Variants in SIAH3 observed in about 807,000 individuals in gnomAD.
SIAH3 encodes the protein seven in absentia homolog 3.
SIAH3 carries 9 observed loss-of-function variants against 12.6 expected under a neutral mutation model. The observed-to-expected ratio is 0.72, with a 90% confidence interval of 0.43 to 1.25. The LOEUF is 1.25. SIAH3 is among the 50% of genes most tolerant of loss of function. The pLI is 0.00. For synonymous variants in SIAH3, 154 were observed against 151.1 expected, an observed-to-expected ratio of 1.02 and a Z score of -0.14; for missense variants, 390 against 365.4, an observed-to-expected ratio of 1.07 and a Z score of -0.55.
rs949379742 is a variant in SIAH3 at position 45,850,002 on chromosome 13, G to C, written c.135+1493C>G. 2.2e-4 allele frequency among the ~76,000 whole-genome samples: 34 copies of C among 152,174 alleles called. 1 individual carries two copies. The highest frequency in any genetic ancestry group is 5.9e-5 in the Non-Finnish European group (4 of 68,034). Reference sequence around the variant, plus strand: ...CATACTACATACTTGCTTTGCCAAGGATGACTGGTAGTAAATTCTCATTTA... The same window carrying C: ...CATACTACATACTTGCTTTGCCAAGCATGACTGGTAGTAAATTCTCATTTA... On this transcript the variant is annotated intron_variant, in intron 1 of 1. Coordinates refer to ENST00000400405, the MANE Select transcript of SIAH3 (RefSeq NM_198849.3).
intron 1 of SIAH3, among the ~76,000 whole-genome samples, chr13:45,788,907 G>A (rs1950536277): frequency 1.3e-5 from 2 of 152,214 alleles, no homozygotes; most frequent in African/African-American, 4.8e-5. Flanking sequence ...GGTGAAGTGG[G>A]GAAGGCAGCA....
In SIAH3 at chr13:45,831,314, GGC is replaced by G. The variant is rs201536949; in HGVS notation, c.135+20179_135+20180del. On this transcript the variant is annotated intron_variant, in intron 1 of 1. Coordinates refer to ENST00000400405, the MANE Select transcript of SIAH3 (RefSeq NM_198849.3). ...TCAGTGACAAGGGGTTGCCAGGAGA[GGC>G]CAGTGTATGCACCAAAAGGAGCACA... Among the ~76,000 whole-genome samples, 628 of 152,256 alleles carry G rather than the reference GGC, an allele frequency of 4.1e-3. 2 individuals carry two copies. Among genetic ancestry groups the G allele is most frequent in the African/African-American group, 0.015 (605 of 41,530 alleles).
In SIAH3 at chr13:45,784,396, C is replaced by CTTTTTTTTTTTTTTTT. The variant is rs1555256292; in HGVS notation, c.136-340_136-339insAAAAAAAAAAAAAAAA. ...CATCAATCACAAAGAACAAAGACAG[C>CTTTTTTTTTTTTTTTT]TGTTTTTTTTTTTTTTTTTTTTTTT... On this transcript the variant is annotated intron_variant, in intron 1 of 1. Coordinates refer to ENST00000400405, the MANE Select transcript of SIAH3 (RefSeq NM_198849.3). Among the ~76,000 whole-genome samples the CTTTTTTTTTTTTTTTT allele has an allele frequency of 2.0e-5, 2 of 102,014 alleles. 1 individual carries two copies. The allele number at this position is 102,014 out of a possible 152,430, so 66.9% of individuals were successfully genotyped here.
rs147061644 is a variant in SIAH3 at position 45,788,879 on chromosome 13, C to T, written c.136-4822G>A. Reference sequence around the variant, plus strand: ...GCCCTCATTTGTGAATATTAATTAACTGAAGTTTTTAGTCCTAGGTGAAGT... The same window carrying T: ...GCCCTCATTTGTGAATATTAATTAATTGAAGTTTTTAGTCCTAGGTGAAGT... On this transcript the variant is annotated intron_variant, in intron 1 of 1. Coordinates refer to ENST00000400405, the MANE Select transcript of SIAH3 (RefSeq NM_198849.3). 2.3e-4 allele frequency among the ~76,000 whole-genome samples: 35 copies of T among 152,320 alleles called. 1 individual carries two copies. The East Asian group carries it at 5.8e-3, about 25-fold the overall frequency.
intron 1 of SIAH3, among the ~76,000 whole-genome samples, chr13:45,812,269 T>C (rs1303148350): frequency 6.6e-6 from 1 of 152,098 alleles, no homozygotes; most frequent in Non-Finnish European, 1.5e-5. Context: ...TGTTTCATCC[T>C]CACCTAAACC....
At chr13:45,784,078 G>A (rs377460604) in intron 1 of SIAH3, 21 bp from the exon 2 acceptor site, 291 of 1,554,308 alleles carry the variant, frequency 1.9e-4, no homozygotes, top group Non-Finnish European at 2.4e-4. Flanking sequence ...AGAGAAGAAC[G>A]TCAGTGCGGG....
intron 1 of SIAH3, among the ~76,000 whole-genome samples, chr13:45,797,723 A>C (rs1950568018): frequency 6.6e-6 from 1 of 152,210 alleles, no homozygotes; most frequent in East Asian, 1.9e-4. Flanking sequence ...CTGCTGGGTC[A>C]CAGACCTCAC....
In SIAH3 at chr13:45,820,109, C is replaced by T. The variant is rs551975995; in HGVS notation, c.135+31386G>A. Among the ~76,000 whole-genome samples the T allele has an allele frequency of 6.8e-4, 104 of 152,310 alleles. 1 individual carries two copies. Among genetic ancestry groups the T allele is most frequent in the Non-Finnish European group, 1.3e-3 (86 of 68,036 alleles). On this transcript the variant is annotated intron_variant, in intron 1 of 1. Transcript: ENST00000400405. ...CCCATTCAGGAGGGAGGAATCCGCA[C>T]GACTTATGTGTCTCTTAAAGGCCCC... is the stretch of plus-strand genomic sequence containing the variant.
chr13:45,792,994 AAC>A (rs749040722), intron 1 of SIAH3, among the ~76,000 whole-genome samples: 1 of 152,356 alleles, frequency 6.6e-6, no homozygotes, highest in East Asian at 1.9e-4. Context: ...GGCCTGAGTG[AAC>A]AGTTTAAAGA....
At chr13:45,803,082 G>T (rs538437394) in intron 1 of SIAH3, among the ~76,000 whole-genome samples, 1 of 150,572 alleles carries the variant, frequency 6.6e-6, no homozygotes, top group Non-Finnish European at 1.5e-5. Flanking sequence ...AAAAAAAAAA[G>T]GCAGCCGCAG....
chr13:45,811,999 A>G (rs1950617980), intron 1 of SIAH3, among the ~76,000 whole-genome samples: 1 of 152,192 alleles, frequency 6.6e-6, no homozygotes, highest in Non-Finnish European at 1.5e-5. Context: ...GAACTTTCAG[A>G]GACTCCAGCC....
chr13:45,813,238 A>G (rs535572408), intron 1 of SIAH3, among the ~76,000 whole-genome samples: 3 of 150,540 alleles, frequency 2.0e-5, no homozygotes, highest in East Asian at 1.9e-4. Flanking sequence ...GTGAGCCTAT[A>G]TCAGTACTGA....
In SIAH3 at chr13:45,783,737, C is replaced by A. The variant is rs1276477849; in HGVS notation, c.456G>T (p.Ala152=). The change falls in exon 2 of 2, where the codon GCG becomes GCT. Residue 152 remains alanine (A), a synonymous_variant. Coordinates refer to ENST00000400405, the MANE Select transcript of SIAH3 (RefSeq NM_198849.3). Reference sequence around the variant, plus strand: ...AGTGCATGATGATCCAATCAGCCGGCGCGGGGAGGTGCATGTCCGTGGCCA... The same window carrying A: ...AGTGCATGATGATCCAATCAGCCGGAGCGGGGAGGTGCATGTCCGTGGCCA... ...VFLATDMHLP[A]PADWIIMHSC... The A allele has an allele frequency of 5.0e-6, 8 of 1,614,132 alleles. No homozygotes were observed. The highest frequency in any genetic ancestry group is 6.8e-6 in the Non-Finnish European group (8 of 1,180,010).
chr13:45,843,801 G>A (rs1457042838), intron 1 of SIAH3, among the ~76,000 whole-genome samples: 1 of 152,170 alleles, frequency 6.6e-6, no homozygotes, highest in African/African-American at 2.4e-5. Flanking sequence ...GGGAGTGTGG[G>A]GAGTCAAAGC....
intron 1 of SIAH3, among the ~76,000 whole-genome samples, chr13:45,842,312 A>G (rs560815685): frequency 5.9e-5 from 9 of 152,336 alleles, no homozygotes; most frequent in African/African-American, 2.2e-4. Flanking sequence ...TAATTATAAT[A>G]TGCCAGGTGC....
intron 1 of SIAH3, 149 bp downstream of exon 1, chr13:45,851,346 G>A (rs1440895122): frequency 1.6e-5 from 16 of 1,014,910 alleles, no homozygotes; most frequent in Non-Finnish European, 2.2e-5. Flanking sequence ...AGAGTGAGCC[G>A]AGGCAAACAC....
At chr13:45,837,031 C>T (rs1950720215) in intron 1 of SIAH3, among the ~76,000 whole-genome samples, 2 of 152,154 alleles carry the variant, frequency 1.3e-5, no homozygotes, top group Non-Finnish European at 2.9e-5. Flanking sequence ...CAGCCCCATG[C>T]CTCCCAGTGA....
At chr13:45,808,293 G>C (rs1185060923) in intron 1 of SIAH3, among the ~76,000 whole-genome samples, 1 of 152,156 alleles carries the variant, frequency 6.6e-6, no homozygotes, top group Non-Finnish European at 1.5e-5. Flanking sequence ...AAAAATTACA[G>C]AAATAGTCTT....
At chr13:45,839,405 C>T (rs1950731163) in intron 1 of SIAH3, among the ~76,000 whole-genome samples, 1 of 152,162 alleles carries the variant, frequency 6.6e-6, no homozygotes, top group South Asian at 2.1e-4. Flanking sequence ...TGTTTGTCCA[C>T]CTGTTAAACC....
Sources: allele counts gnomAD v4.1 joint callset (sites outside exome capture counted in the v4.1 genomes callset), GRCh38; gene constraint gnomAD v4.1.1; transcripts MANE v1.5; gene names NCBI Gene and HGNC (gene_info 2026-07-23, HGNC 2026-07-21).